Variants in TMEFF2 observed in about 807,000 individuals in gnomAD.
TMEFF2 encodes the protein transmembrane protein with EGF like and two follistatin like domains 2.
TMEFF2 carries 28 observed loss-of-function variants against 53.8 expected under a neutral mutation model. The ratio of observed to expected loss-of-function variants is 0.52; its 90% CI spans 0.39 to 0.71. The LOEUF (loss-of-function observed/expected upper bound fraction) is 0.71, where lower values mean the gene tolerates loss of function less well. TMEFF2 is among the 30% of genes least tolerant of loss of function. The probability of loss-of-function intolerance (pLI) is 0.00; values close to 1 mark genes in which losing one functional copy is unlikely to be tolerated. For missense variants in TMEFF2, 353 were observed against 455.2 expected, an observed-to-expected ratio of 0.78 and a Z score of 2.04; for synonymous variants, 162 against 166.3, an observed-to-expected ratio of 0.97 and a Z score of 0.20.
chr2:192,097,573 A>T (rs183036214), intron 4 of TMEFF2, among the ~76,000 whole-genome samples: 4 of 152,322 alleles, frequency 2.6e-5, no homozygotes, highest in Admixed American at 6.5e-5. Context: ...GCTCATTTTT[A>T]ATCTTAACAA....
intron 4 of TMEFF2, among the ~76,000 whole-genome samples, chr2:192,076,156 G>C (rs1188947053): frequency 6.6e-6 from 1 of 151,978 alleles, no homozygotes; most frequent in Non-Finnish European, 1.5e-5. Context: ...TTTTGTCAGA[G>C]ATAAAAGTCT....
At chr2:191,969,121 G>A (rs1237223085) in intron 7 of TMEFF2, among the ~76,000 whole-genome samples, 1 of 131,854 alleles carries the variant, frequency 7.6e-6, no homozygotes, top group Non-Finnish European at 1.6e-5. Flanking sequence ...ATGTATGTTT[G>A]TGTATGTGTG....
chr2:191,953,785 G>T lies in TMEFF2; in HGVS notation c.922C>A (p.Leu308Ile). 6.2e-7 allele frequency: 1 copy of T among 1,611,134 alleles called. No homozygotes were observed. Among genetic ancestry groups the T allele is most frequent in the South Asian group, 1.1e-5 (1 of 91,026 alleles). ...CGTACAGGACCGGGAACAACGTATA[G>T]AACACTGTAGTCCTTTTTTTCACAG... is the stretch of plus-strand genomic sequence containing the variant. ...QHCEKKDYSVLYVVPGPVRFQ... is the reference protein window; with the variant it reads ...QHCEKKDYSVIYVVPGPVRFQ... Residue 308 changes from leucine (L) to isoleucine (I), a missense_variant, in exon 9 of 10, where the codon CTA (leucine) becomes ATA (isoleucine). Physicochemically the swap from Leu to Ile is conservative, Grantham distance 5 (BLOSUM62 2). Coordinates refer to ENST00000272771, the MANE Select transcript of TMEFF2 (RefSeq NM_016192.4).
intron 4 of TMEFF2, among the ~76,000 whole-genome samples, chr2:192,171,883 A>T (rs1441863508): frequency 6.6e-6 from 1 of 152,014 alleles, no homozygotes; most frequent in Non-Finnish European, 1.5e-5. Flanking sequence ...CCAAGAAATA[A>T]GTTCTACAAG....
chr2:192,003,282 C>T (rs1207369542), intron 5 of TMEFF2, among the ~76,000 whole-genome samples: 2 of 152,090 alleles, frequency 1.3e-5, no homozygotes, highest in Admixed American at 1.3e-4. Flanking sequence ...GCTTGAAAAT[C>T]GAAGAGCCTA....
At chr2:191,964,424 C>A (rs558984627) in intron 7 of TMEFF2, among the ~76,000 whole-genome samples, 2 of 118,598 alleles carry the variant, frequency 1.7e-5, no homozygotes, top group Middle Eastern at 4.3e-3. Flanking sequence ...TTCTTTCTTT[C>A]TTTCTTTCTT....
intron 3 of TMEFF2, 146 bp downstream of exon 3, chr2:192,184,208 A>G (rs1373122291): frequency 9.4e-7 from 1 of 1,065,308 alleles, no homozygotes; most frequent in Non-Finnish European, 1.3e-6. Flanking sequence ...AAAGAATAAG[A>G]ATAACAAATG....
At chr2:192,169,121 T>C (rs1244220308) in intron 4 of TMEFF2, among the ~76,000 whole-genome samples, 1 of 152,138 alleles carries the variant, frequency 6.6e-6, no homozygotes, top group African/African-American at 2.4e-5. Context: ...TATACAGGTA[T>C]TAATAGTCAT....
intron 5 of TMEFF2, among the ~76,000 whole-genome samples, chr2:192,055,939 T>C (rs1687898724): frequency 6.6e-6 from 1 of 152,200 alleles, no homozygotes; most frequent in Non-Finnish European, 1.5e-5. Context: ...AAAACTCTAC[T>C]GCTGTCTGAT....
intron 5 of TMEFF2, among the ~76,000 whole-genome samples, chr2:192,007,199 C>T (rs1160266371): frequency 6.6e-6 from 1 of 152,144 alleles, no homozygotes; most frequent in East Asian, 1.9e-4. Flanking sequence ...ATTCATATGG[C>T]ACATACTCCA....
chr2:192,173,090 T>A (rs1349426525), intron 4 of TMEFF2, among the ~76,000 whole-genome samples: 1 of 151,852 alleles, frequency 6.6e-6, no homozygotes, highest in Non-Finnish European at 1.5e-5. Context: ...ACAAGATGAC[T>A]ATAGTTAACA....
At chr2:192,103,545 T>C (rs1344311093) in intron 4 of TMEFF2, among the ~76,000 whole-genome samples, 1 of 152,146 alleles carries the variant, frequency 6.6e-6, no homozygotes, top group Non-Finnish European at 1.5e-5. Context: ...TATCTTGTTC[T>C]TTTGCTAATT....
chr2:192,075,332 T>TATATATATATATATATATATATAC (rs796267672), intron 4 of TMEFF2, among the ~76,000 whole-genome samples: 11 of 88,142 alleles, frequency 1.2e-4, no homozygotes, highest in African/African-American at 4.1e-4. Context: ...TATATATATA[T>TATATATATATATATATATATATAC]ACATACATAC....
intron 7 of TMEFF2, among the ~76,000 whole-genome samples, chr2:191,974,911 GTAGTAGCTCATATATCAAGAGCCTCAA>G (rs1171856720): frequency 3.3e-5 from 5 of 152,076 alleles, no homozygotes. Context: ...AAAGAGGAAT[GTAGTAGCTCATATATCAAGAGCCTCAA>G]GCACAAAGAC....
intron 4 of TMEFF2, among the ~76,000 whole-genome samples, chr2:192,096,488 ATT>A (rs903202614): frequency 1.3e-5 from 2 of 152,052 alleles, no homozygotes; most frequent in Non-Finnish European, 2.9e-5. Flanking sequence ...CCTACAAACA[ATT>A]TTGTTTTACA....
At chr2:192,099,051 G>A (rs553172742) in intron 4 of TMEFF2, among the ~76,000 whole-genome samples, 1 of 152,170 alleles carries the variant, frequency 6.6e-6, no homozygotes, top group South Asian at 2.1e-4. Flanking sequence ...AAGACAGCCA[G>A]GTACCATCAT....
At chr2:191,974,633 TTGCTTAGTTTA>T (rs1447538628) in intron 7 of TMEFF2, among the ~76,000 whole-genome samples, 2 of 152,202 alleles carry the variant, frequency 1.3e-5, no homozygotes, top group Admixed American at 6.6e-5. Context: ...TTGGATCTGT[TTGCTTAGTTTA>T]TGCAAATGGC....
At chr2:192,092,815 G>C (rs372655395) in intron 4 of TMEFF2, among the ~76,000 whole-genome samples, 2 of 152,032 alleles carry the variant, frequency 1.3e-5, no homozygotes, top group South Asian at 2.1e-4. Flanking sequence ...CCAAGGAATG[G>C]GGGTGACTTC....
chr2:192,068,182 G>A lies in TMEFF2; in HGVS notation c.440-10407C>T, dbSNP rs375902664. Among the ~76,000 whole-genome samples the A allele has an allele frequency of 1.4e-4, 22 of 152,000 alleles. No homozygotes were observed. In the East Asian group the frequency reaches 2.5e-3, roughly 17 times the overall value. ...GAGCACATTAAATAGGAGGATGTGT[G>A]ACTTTGCTTTGCAACCTCTAAATTG... On this transcript the variant is annotated intron_variant, in intron 4 of 9. Coordinates refer to ENST00000272771, the MANE Select transcript of TMEFF2 (RefSeq NM_016192.4).
Sources: gnomAD v4.1 joint callset for allele counts (sites outside exome capture counted in the v4.1 genomes callset) on GRCh38, gnomAD v4.1.1 for gene constraint, MANE v1.5 for transcripts, NCBI Gene and HGNC (gene_info 2026-07-23, HGNC 2026-07-21) for gene names.